Variants in SPECC1 observed in about 807,000 individuals in gnomAD.
The protein encoded by SPECC1 is cytospin-B.
Under a neutral mutation model 104.1 loss-of-function variants are expected in SPECC1, and 62 were observed. That is an observed-to-expected ratio of 0.60 (90% CI 0.49 to 0.74). SPECC1 has a LOEUF of 0.74. Ranked by LOEUF, SPECC1 falls within the 30% of genes least tolerant of loss-of-function variation. SPECC1 has a pLI of 0.00. For synonymous variants in SPECC1, 513 were observed against 501.6 expected (o/e 1.02, Z -0.30); for missense variants, 1,306 against 1,310.5 (o/e 1.00, Z 0.05).
intron 2 of SPECC1, among the ~76,000 whole-genome samples, chr17:20,108,974 T>C (rs546617318): frequency 2.6e-5 from 4 of 152,164 alleles, no homozygotes; most frequent in African/African-American, 4.8e-5. Flanking sequence ...TTTCCAGCCT[T>C]AGCGTTAGTA....
intron 1 of SPECC1, among the ~76,000 whole-genome samples, chr17:20,028,663 C>T (rs554841475): frequency 1.3e-5 from 2 of 151,522 alleles, no homozygotes; most frequent in Non-Finnish European, 2.9e-5. Context: ...ATATTTTGTT[C>T]GTGTTTTTCA....
chr17:20,019,658 G>A (rs142989017), intron 1 of SPECC1, among the ~76,000 whole-genome samples: 3 of 152,198 alleles, frequency 2.0e-5, no homozygotes, highest in Non-Finnish European at 2.9e-5. Context: ...CTGATAGCAG[G>A]AATGACACGA....
At chr17:20,083,022 A>T (rs2047044087) in intron 1 of SPECC1, among the ~76,000 whole-genome samples, 1 of 151,934 alleles carries the variant, frequency 6.6e-6, no homozygotes, top group African/African-American at 2.4e-5. Flanking sequence ...CCATCTAAAA[A>T]TAGTACTAAG....
chr17:20,134,981 T>C (rs1181969506), intron 3 of SPECC1, among the ~76,000 whole-genome samples: 1 of 152,206 alleles, frequency 6.6e-6, no homozygotes, highest in Non-Finnish European at 1.5e-5. Flanking sequence ...ACTGAATTCA[T>C]GGAATATTAA....
At chr17:20,140,071 G>A (rs150952428) in intron 3 of SPECC1, among the ~76,000 whole-genome samples, 315 of 152,268 alleles carry the variant, frequency 2.1e-3, no homozygotes, top group Middle Eastern at 6.8e-3. Context: ...GCTGCTGGTG[G>A]TTAATGCTTA....
chr17:20,169,382 C>T (rs1202762131), intron 3 of SPECC1, among the ~76,000 whole-genome samples: 1 of 152,148 alleles, frequency 6.6e-6, no homozygotes, highest in East Asian at 1.9e-4. Context: ...TTCTGAAAAT[C>T]AGAAATAGCT....
intron 3 of SPECC1, among the ~76,000 whole-genome samples, chr17:20,149,469 AC>A (rs2031781758): frequency 6.6e-6 from 1 of 151,992 alleles, no homozygotes; most frequent in African/African-American, 2.4e-5. Context: ...CCTGGTAAAA[AC>A]CCTGGATGCT....
chr17:20,105,123 G>T (rs1162462377), intron 2 of SPECC1, among the ~76,000 whole-genome samples: 1 of 151,874 alleles, frequency 6.6e-6, no homozygotes, highest in African/African-American at 2.4e-5. Flanking sequence ...CGGGAGACAG[G>T]GTTTTGCTCT....
intron 13 of SPECC1, 182 bp from the exon 14 acceptor site, chr17:20,305,841 G>A: frequency 2.0e-6 from 1 of 504,228 alleles, no homozygotes; most frequent in Non-Finnish European, 3.4e-6. Context: ...TAGTTTTGGT[G>A]CAGTTGCAAC....
At chr17:20,140,980 C>A (rs1466181045) in intron 3 of SPECC1, among the ~76,000 whole-genome samples, 4 of 152,210 alleles carry the variant, frequency 2.6e-5, no homozygotes, top group Non-Finnish European at 5.9e-5. Context: ...TTTTCACAGT[C>A]ACTCTGGTGA....
At chr17:20,078,767 A>G (rs1440526564) in intron 1 of SPECC1, among the ~76,000 whole-genome samples, 1 of 152,166 alleles carries the variant, frequency 6.6e-6, no homozygotes, top group African/African-American at 2.4e-5. Context: ...TTTTATTTGT[A>G]TGTATATAAA....
intron 3 of SPECC1, among the ~76,000 whole-genome samples, chr17:20,156,411 C>G (rs541471196): frequency 2.2e-4 from 33 of 152,278 alleles, no homozygotes; most frequent in African/African-American, 7.9e-4. Context: ...TTACCTGTGC[C>G]GACGCCGCGA....
chr17:20,094,432 C>T (rs985194572), intron 1 of SPECC1, among the ~76,000 whole-genome samples: 7 of 152,134 alleles, frequency 4.6e-5, no homozygotes, highest in African/African-American at 1.7e-4. Flanking sequence ...GTGGCTTTTC[C>T]TTCTTTTCTT....
intron 4 of SPECC1, 120 bp from the exon 5 acceptor site, chr17:20,227,293 C>G: frequency 1.3e-6 from 1 of 793,948 alleles, no homozygotes; most frequent in South Asian, 1.7e-5. Context: ...TGAAGAGGTT[C>G]ATGTTCAGGT....
At chr17:20,082,616 T>C (rs1189174128) in intron 1 of SPECC1, among the ~76,000 whole-genome samples, 2 of 151,986 alleles carry the variant, frequency 1.3e-5, no homozygotes, top group African/African-American at 4.8e-5. Flanking sequence ...TGTGTATATA[T>C]ATATATATTC....
chr17:20,262,189 A>G (rs2040050927), intron 12 of SPECC1, among the ~76,000 whole-genome samples: 2 of 152,206 alleles, frequency 1.3e-5, no homozygotes. Flanking sequence ...GGATTATACC[A>G]TTATTTATCC....
intron 3 of SPECC1, among the ~76,000 whole-genome samples, chr17:20,150,185 G>A (rs1395021020): frequency 1.3e-5 from 2 of 151,144 alleles, no homozygotes; most frequent in African/African-American, 4.9e-5. Flanking sequence ...GGGTTTCACC[G>A]TTTTAGTCCG....
chr17:20,056,928 C>T (rs979433762), intron 1 of SPECC1, among the ~76,000 whole-genome samples: 2 of 152,228 alleles, frequency 1.3e-5, no homozygotes, highest in Non-Finnish European at 1.5e-5. Context: ...ATTTCCAGAG[C>T]CCTTCCATTT....
intron 4 of SPECC1, 127 bp downstream of exon 4, chr17:20,206,039 A>G (rs2151356974): frequency 7.6e-7 from 1 of 1,311,570 alleles, no homozygotes; most frequent in East Asian, 2.3e-5. Context: ...CCAGCATTCC[A>G]GCTTGAAGGC....
Sources: gnomAD v4.1 joint callset for allele counts (sites outside exome capture counted in the v4.1 genomes callset) on GRCh38, gnomAD v4.1.1 for gene constraint, MANE v1.5 for transcripts, NCBI Gene and HGNC (gene_info 2026-07-23, HGNC 2026-07-21) for gene names.